The following CCDC122 variants were observed in gnomAD, a reference collection of about 807,000 sequenced individuals.
CCDC122 encodes coiled-coil domain containing 122, also known as coiled-coil domain-containing protein 122.
Under a neutral mutation model 37.0 loss-of-function variants are expected in CCDC122, and 38 were observed. The ratio of observed to expected loss-of-function variants is 1.03; its 90% CI spans 0.79 to 1.35. The LOEUF (loss-of-function observed/expected upper bound fraction) is 1.35, where lower values mean the gene tolerates loss of function less well. CCDC122 is among the 40% of genes most tolerant of loss of function. The pLI is 0.00. For missense variants in CCDC122, 305 were observed against 310.0 expected (o/e 0.98, Z 0.12); for synonymous variants, 83 against 95.6 (o/e 0.87, Z 0.77).
At chr13:43,829,299 A>ATTTTAT (rs942763888) in intron 3 of CCDC122, among the ~76,000 whole-genome samples, 1 of 151,930 alleles carries the variant, frequency 6.6e-6, no homozygotes, top group African/African-American at 2.4e-5. Context: ...AGAATTGCTC[A>ATTTTAT]TTTTATTTTT....
At chr13:43,874,679 G>C (rs1331267459) in intron 2 of CCDC122, 163 bp downstream of exon 2, 1 of 152,060 alleles carries the variant, frequency 6.6e-6, no homozygotes, top group Non-Finnish European at 1.5e-5. Context: ...AAAGAAAAAT[G>C]AAAACAAACT....
chr13:43,845,263 T>C (rs1283126298), intron 6 of CCDC122, among the ~76,000 whole-genome samples: 2 of 152,234 alleles, frequency 1.3e-5, no homozygotes, highest in Non-Finnish European at 2.9e-5. Flanking sequence ...TCTTGATATA[T>C]ATCTTACTCT....
intron 2 of CCDC122, among the ~76,000 whole-genome samples, chr13:43,873,142 C>G (rs987038427): frequency 3.3e-5 from 5 of 152,086 alleles, no homozygotes; most frequent in Admixed American, 2.0e-4. Flanking sequence ...CCTCCTAGTG[C>G]TCGGTCCTCA....
downstream of CCDC122, among the ~76,000 whole-genome samples, chr13:43,834,835 A>C (rs1352713147): frequency 2.0e-5 from 3 of 152,056 alleles, no homozygotes; most frequent in East Asian, 5.8e-4. Flanking sequence ...GATGTGGAGA[A>C]ATAGGAACAC....
Position 43,837,044 on chromosome 13 carries a change from G to A in CCDC122, c.*236C>T, listed in dbSNP as rs1201753048. 4 of 440,646 alleles carry A rather than the reference G, an allele frequency of 9.1e-6. No individual in the cohort carries two copies. The highest frequency in any genetic ancestry group is 1.6e-5 in the Non-Finnish European group (4 of 248,614). 27.3% of individuals were successfully genotyped at this position (440,646 alleles called of 1,614,324 possible). On this transcript the variant is annotated 3_prime_UTR_variant, in exon 7 of 7. Coordinates refer to ENST00000444614, the MANE Select transcript of CCDC122 (RefSeq NM_144974.5). Reference sequence around the variant, plus strand: ...ACTCCAAATAGTCACAGAGACTCTTGCATTATTTTCCCGTAGACATTCCTA... The same window carrying A: ...ACTCCAAATAGTCACAGAGACTCTTACATTATTTTCCCGTAGACATTCCTA...
chr13:43,846,739 T>C (rs1953550872), intron 6 of CCDC122, among the ~76,000 whole-genome samples: 1 of 152,222 alleles, frequency 6.6e-6, no homozygotes, highest in African/African-American at 2.4e-5. Flanking sequence ...CTGTGCTCCT[T>C]GGAATTTTAT....
intron 6 of CCDC122, among the ~76,000 whole-genome samples, chr13:43,841,066 C>T (rs948877529): frequency 4.6e-5 from 7 of 152,124 alleles, no homozygotes; most frequent in African/African-American, 7.2e-5. Flanking sequence ...TGGGGAGTGT[C>T]GGACAGTGGG....
chr13:43,858,979 TAAGAA>T, intron 5 of CCDC122, 82 bp from the exon 6 acceptor site: 2 of 1,113,426 alleles, frequency 1.8e-6, no homozygotes, highest in Non-Finnish European at 2.4e-6. Flanking sequence ...TTCTATAATT[TAAGAA>T]AACTAGCCAA....
chr13:43,845,461 A>G (rs965554191), intron 6 of CCDC122, among the ~76,000 whole-genome samples: 2 of 152,230 alleles, frequency 1.3e-5, no homozygotes, highest in Admixed American at 1.3e-4. Flanking sequence ...CTGTAATCCC[A>G]GCACTTTGGG....
At chr13:43,857,344 A>C (rs989620202) in intron 6 of CCDC122, among the ~76,000 whole-genome samples, 1 of 152,122 alleles carries the variant, frequency 6.6e-6, no homozygotes, top group Admixed American at 6.5e-5. Context: ...TCAAAACTAA[A>C]GATATTTAAC....
intron 6 of CCDC122, chr13:43,849,174 GA>G (rs1953642721): frequency 3.2e-6 from 2 of 628,478 alleles, no homozygotes; most frequent in African/African-American, 4.0e-5. Context: ...GAATTGAAAT[GA>G]AAAAGTTCAA....
intron 6 of CCDC122, among the ~76,000 whole-genome samples, chr13:43,845,896 A>G (rs1439528302): frequency 6.6e-6 from 1 of 152,126 alleles, no homozygotes; most frequent in Non-Finnish European, 1.5e-5. Flanking sequence ...CACAATATCA[A>G]TCATTATACG....
At chr13:43,864,312 G>A (rs1483986391) in intron 4 of CCDC122, among the ~76,000 whole-genome samples, 1 of 152,142 alleles carries the variant, frequency 6.6e-6, no homozygotes, top group East Asian at 1.9e-4. Context: ...TTGGTACAGA[G>A]CTCCTAAAAC....
chr13:43,846,430 T>C (rs1953538672), intron 6 of CCDC122, among the ~76,000 whole-genome samples: 1 of 152,226 alleles, frequency 6.6e-6, no homozygotes, highest in Non-Finnish European at 1.5e-5. Flanking sequence ...ATTGTGCACA[T>C]GTTGAAAACT....
chr13:43,861,467 C>T (rs1954104578), intron 4 of CCDC122, among the ~76,000 whole-genome samples: 1 of 152,176 alleles, frequency 6.6e-6, no homozygotes, highest in South Asian at 2.1e-4. Flanking sequence ...ATGTTACCAC[C>T]TTAGCTCTTC....
chr13:43,866,733 C>T (rs1179705264), intron 4 of CCDC122, among the ~76,000 whole-genome samples: 1 of 152,044 alleles, frequency 6.6e-6, no homozygotes, highest in South Asian at 2.1e-4. Context: ...TTCTGATTTT[C>T]TCTTGCCAAT....
chr13:43,871,994 C>T (rs2153879952), intron 2 of CCDC122, among the ~76,000 whole-genome samples: 1 of 152,198 alleles, frequency 6.6e-6, no homozygotes, highest in East Asian at 1.9e-4. Context: ...ATTTCAATAT[C>T]CACAAAAATA....
downstream of CCDC122, among the ~76,000 whole-genome samples, chr13:43,823,433 C>T (rs546905579): frequency 6.6e-6 from 1 of 152,268 alleles, no homozygotes; most frequent in South Asian, 2.1e-4. Context: ...GCGAGCACTC[C>T]CTTGGCCTCG....
chr13:43,844,131 G>T (rs1953442162), intron 6 of CCDC122, among the ~76,000 whole-genome samples: 1 of 151,388 alleles, frequency 6.6e-6, no homozygotes, highest in African/African-American at 2.4e-5. Context: ...TTAGATAGTT[G>T]ATTTCAAATC....
Sources: gnomAD v4.1 joint callset for allele counts (sites outside exome capture counted in the v4.1 genomes callset) on GRCh38, gnomAD v4.1.1 for gene constraint, MANE v1.5 for transcripts, NCBI Gene and HGNC (gene_info 2026-07-23, HGNC 2026-07-21) for gene names.